NELL1: variants seen among roughly 807,000 people sequenced by gnomAD.
NELL1 encodes the protein protein kinase C-binding protein NELL1.
Under a neutral mutation model 107.4 loss-of-function variants are expected in NELL1, and 76 were observed. The observed-to-expected ratio is 0.71, with a 90% CI of 0.59 to 0.86. NELL1 has a LOEUF of 0.86. Among genes scored for constraint, NELL1 ranks in the 40% least tolerant of loss-of-function variants. The pLI is 0.00. For synonymous variants in NELL1, 353 were observed against 341.2 expected (o/e 1.03, Z -0.38); for missense variants, 1,024 against 1,005.5 (o/e 1.02, Z -0.25).
At chr11:21,432,510 C>G (rs1945420) in intron 15 of NELL1, among the ~76,000 whole-genome samples, 1 of 151,794 alleles carries the variant, frequency 6.6e-6, no homozygotes, top group Non-Finnish European at 1.5e-5. Flanking sequence ...GATACACTTA[C>G]AGTCAAATAA....
chr11:21,388,221 G>A (rs1851791032), intron 15 of NELL1, among the ~76,000 whole-genome samples: 1 of 151,632 alleles, frequency 6.6e-6, no homozygotes, highest in Non-Finnish European at 1.5e-5. Flanking sequence ...GTAGCCACAG[G>A]GCATTTCTAC....
At chr11:20,714,628 C>A (rs1376284838) in intron 2 of NELL1, among the ~76,000 whole-genome samples, 2 of 152,016 alleles carry the variant, frequency 1.3e-5, no homozygotes, top group Non-Finnish European at 2.9e-5. Context: ...CTCAGGTGAT[C>A]CTTCCACCTC....
intron 12 of NELL1, among the ~76,000 whole-genome samples, chr11:21,094,388 G>A (rs1854592210): frequency 6.6e-6 from 1 of 152,200 alleles, no homozygotes. Flanking sequence ...CAGGCACATA[G>A]TGCAAGCTGT....
At chr11:21,481,503 C>T (rs1023537404) in intron 15 of NELL1, among the ~76,000 whole-genome samples, 1 of 152,168 alleles carries the variant, frequency 6.6e-6, no homozygotes. Context: ...AAAGTGGAAA[C>T]ACACCCTTAT....
At chr11:20,731,662 C>G (rs1855647348) in intron 2 of NELL1, among the ~76,000 whole-genome samples, 1 of 152,074 alleles carries the variant, frequency 6.6e-6, no homozygotes, top group Admixed American at 6.6e-5. Context: ...ATTCACAAGC[C>G]GGGTAGGTTA....
chr11:20,909,692 C>G (rs552509850), intron 5 of NELL1, among the ~76,000 whole-genome samples: 57 of 152,160 alleles, frequency 3.7e-4, no homozygotes, highest in Non-Finnish European at 6.3e-4. Flanking sequence ...GCAACCTTCT[C>G]TCATGCCATT....
At chr11:20,995,835 C>A (rs1852079813) in intron 12 of NELL1, among the ~76,000 whole-genome samples, 1 of 152,054 alleles carries the variant, frequency 6.6e-6, no homozygotes, top group East Asian at 1.9e-4. Context: ...GCTAATCTGG[C>A]TCACTGGAAT....
intron 13 of NELL1, among the ~76,000 whole-genome samples, chr11:21,117,946 G>A (rs532214584): frequency 1.3e-5 from 2 of 152,108 alleles, no homozygotes; most frequent in South Asian, 4.1e-4. Context: ...GCCTGGAATG[G>A]TAGAGGACCA....
chr11:21,050,511 G>C (rs1034241075), intron 12 of NELL1, among the ~76,000 whole-genome samples: 1 of 152,008 alleles, frequency 6.6e-6, no homozygotes, highest in South Asian at 2.1e-4. Context: ...AAAATATACA[G>C]TGTTATCTGA....
chr11:20,836,550 A>G (rs1231868250), intron 3 of NELL1, among the ~76,000 whole-genome samples: 2 of 152,152 alleles, frequency 1.3e-5, no homozygotes, highest in South Asian at 4.1e-4. Flanking sequence ...TGGTACATGT[A>G]TATGATGAAG....
At chr11:21,049,568 ATT>A (rs1209398705) in intron 12 of NELL1, among the ~76,000 whole-genome samples, 1 of 152,154 alleles carries the variant, frequency 6.6e-6, no homozygotes, top group Non-Finnish European at 1.5e-5. Context: ...ACTAGATTGC[ATT>A]TGATTAAATG....
At chr11:20,697,564 C>T (rs1854656668) in intron 2 of NELL1, among the ~76,000 whole-genome samples, 1 of 151,966 alleles carries the variant, frequency 6.6e-6, no homozygotes, top group African/African-American at 2.4e-5. Context: ...GAATTTAGCA[C>T]CTGTTTGCCT....
In NELL1 at chr11:21,118,361, C is replaced by T. The variant is rs148986212; in HGVS notation, c.1426+4647C>T. Among the ~76,000 whole-genome samples, 706 of 152,066 alleles carry T rather than the reference C, an allele frequency of 4.6e-3. 5 individuals are homozygous for T. The highest frequency in any genetic ancestry group is 0.016 in the African/African-American group (676 of 41,524). ...GCCAGATTCAAGGACCTTCATTAGACGCTTTCATAGTAAGCTTGAGTCTTT... is the reference window on the plus strand; with the variant it reads ...GCCAGATTCAAGGACCTTCATTAGATGCTTTCATAGTAAGCTTGAGTCTTT... On this transcript the variant is annotated intron_variant, in intron 13 of 19. Coordinates refer to ENST00000357134, the MANE Select transcript of NELL1 (RefSeq NM_006157.5).
intron 5 of NELL1, among the ~76,000 whole-genome samples, chr11:20,912,585 T>G (rs1208802015): frequency 6.6e-6 from 1 of 152,136 alleles, no homozygotes; most frequent in East Asian, 1.9e-4. Flanking sequence ...TCAGGGAGAC[T>G]TCATTCCAAA....
In NELL1 at chr11:20,672,980, C is replaced by T. The variant is rs1034449584; in HGVS notation, c.55+3202C>T. 2.4e-4 allele frequency among the ~76,000 whole-genome samples: 26 copies of T among 110,152 alleles called. 1 individual carries two copies. The highest frequency in any genetic ancestry group is 6.1e-4 in the African/African-American group (17 of 28,044). 72.3% of individuals were successfully genotyped at this position (110,152 alleles called of 152,430 possible). ...GATTCTCCTGCCTCAGCCCCCCCCC[C>T]CCCCCCCGAGTAGCTGGGATTACAG... On this transcript the variant is annotated intron_variant, in intron 1 of 19. Coordinates refer to ENST00000357134, the MANE Select transcript of NELL1 (RefSeq NM_006157.5).
intron 2 of NELL1, among the ~76,000 whole-genome samples, chr11:20,694,353 A>G (rs1407143276): frequency 2.0e-5 from 3 of 152,048 alleles, no homozygotes; most frequent in African/African-American, 7.2e-5. Flanking sequence ...GCTGTTGTCC[A>G]GAATGGTATT....
At chr11:21,264,384 A>G (rs1446795107) in intron 14 of NELL1, among the ~76,000 whole-genome samples, 2 of 151,836 alleles carry the variant, frequency 1.3e-5, no homozygotes, top group Admixed American at 1.3e-4. Context: ...AGCCTTGAAT[A>G]TGGTGCCCAG....
At chr11:20,897,034 C>G in intron 5 of NELL1, among the ~76,000 whole-genome samples, 1 of 152,196 alleles carries the variant, frequency 6.6e-6, no homozygotes, top group East Asian at 1.9e-4. Flanking sequence ...GCTACCAATG[C>G]CTTTCTTCAC....
At chr11:20,836,254 T>G (rs1848532430) in intron 3 of NELL1, among the ~76,000 whole-genome samples, 2 of 148,748 alleles carry the variant, frequency 1.3e-5, no homozygotes, top group Admixed American at 1.4e-4. Flanking sequence ...TACACACCAA[T>G]TAGAATGGGT....
Sources: allele counts gnomAD v4.1 joint callset (sites outside exome capture counted in the v4.1 genomes callset), GRCh38; gene constraint gnomAD v4.1.1; transcripts MANE v1.5; gene names NCBI Gene and HGNC (gene_info 2026-07-23, HGNC 2026-07-21).